Variants in WDPCP observed in about 807,000 individuals in gnomAD.
WDPCP encodes WD repeat containing planar cell polarity effector.
In WDPCP, 71 loss-of-function variants were observed where a neutral mutation model predicts 93.1. The ratio of observed to expected loss-of-function variants is 0.76; its 90% confidence interval spans 0.63 to 0.93. The LOEUF (loss-of-function observed/expected upper bound fraction) is 0.93, where lower values mean the gene tolerates loss of function less well. WDPCP is among the 40% of genes least tolerant of loss of function. WDPCP has a pLI of 0.00. For missense variants in WDPCP, 844 were observed against 887.4 expected, an observed-to-expected ratio of 0.95 and a Z score of 0.62; for synonymous variants, 315 against 315.0, an observed-to-expected ratio of 1.00 and a Z score of 0.00.
chr2:63,739,212 G>A (rs1669681155), intron 2 of WDPCP, among the ~76,000 whole-genome samples: 1 of 151,944 alleles, frequency 6.6e-6, no homozygotes, highest in African/African-American at 2.4e-5. Flanking sequence ...AGTGTCTGTT[G>A]TTTCCTTCTT....
chr2:63,167,805 T>C (rs528988646), intron 15 of WDPCP, among the ~76,000 whole-genome samples: 55 of 152,182 alleles, frequency 3.6e-4, no homozygotes, highest in Non-Finnish European at 6.0e-4. Flanking sequence ...GCCTACTTGA[T>C]CTATTCTGTA....
intron 2 of WDPCP, among the ~76,000 whole-genome samples, chr2:63,801,167 C>A (rs1365392800): frequency 6.6e-6 from 1 of 152,214 alleles, no homozygotes; most frequent in Non-Finnish European, 1.5e-5. Context: ...CAGGATCTCT[C>A]ATAACTTTGC....
At chr2:63,226,241 A>G (rs1235084750) in intron 14 of WDPCP, among the ~76,000 whole-genome samples, 2 of 151,870 alleles carry the variant, frequency 1.3e-5, no homozygotes, top group African/African-American at 4.8e-5. Context: ...AACTCTAACT[A>G]AATAGCTGTG....
In WDPCP at chr2:63,262,512, A is replaced by G. The variant is rs144366352; in HGVS notation, c.1813-3103T>C. ...TTATTCTAGTTAATTTTAAAACTATAGAACACTGATATACAACCATATAAG... is the reference window on the plus strand; with the variant it reads ...TTATTCTAGTTAATTTTAAAACTATGGAACACTGATATACAACCATATAAG... On this transcript the variant is annotated intron_variant, in intron 13 of 17. Coordinates refer to ENST00000272321, the MANE Select transcript of WDPCP (RefSeq NM_015910.7). 2.1e-3 allele frequency among the ~76,000 whole-genome samples: 319 copies of G among 149,724 alleles called. 2 individuals carry two copies. The Middle Eastern group carries it at 0.028, about 13-fold the overall frequency.
At chr2:63,725,401 A>G (rs1669483843) in intron 2 of WDPCP, among the ~76,000 whole-genome samples, 1 of 152,224 alleles carries the variant, frequency 6.6e-6, no homozygotes, top group African/African-American at 2.4e-5. Flanking sequence ...GCTGTATAGT[A>G]TTCCATGGTG....
intron 14 of WDPCP, among the ~76,000 whole-genome samples, chr2:63,255,986 C>T (rs181653009): frequency 3.3e-5 from 5 of 152,086 alleles, no homozygotes; most frequent in Admixed American, 1.3e-4. Flanking sequence ...ATGTGGAAGA[C>T]CACTACTATG....
chr2:63,452,634 A>G (rs914899143), intron 6 of WDPCP, among the ~76,000 whole-genome samples: 3 of 152,238 alleles, frequency 2.0e-5, no homozygotes, highest in Admixed American at 6.5e-5. Context: ...TGCATTGCCA[A>G]GTCAATCCTA....
At chr2:63,328,464 G>C (rs916711421) in intron 12 of WDPCP, among the ~76,000 whole-genome samples, 8 of 152,152 alleles carry the variant, frequency 5.3e-5, no homozygotes, top group Admixed American at 1.3e-4. Context: ...TCCACCGGGA[G>C]GAACAAACAA....
intron 14 of WDPCP, among the ~76,000 whole-genome samples, chr2:63,195,342 G>A (rs1388673353): frequency 1.3e-5 from 2 of 152,146 alleles, no homozygotes; most frequent in African/African-American, 2.4e-5. Context: ...GTGATCTTAA[G>A]CAGGTCACGT....
intron 1 of WDPCP, among the ~76,000 whole-genome samples, chr2:63,550,069 TCTC>T (rs990025300): frequency 2.2e-4 from 12 of 55,782 alleles, no homozygotes; most frequent in African/African-American, 1.0e-3. Context: ...TTTCTCTCTC[TCTC>T]CTTGTCTTCT....
chr2:63,130,822 C>A (rs1180512866), intron 17 of WDPCP, among the ~76,000 whole-genome samples: 4 of 151,942 alleles, frequency 2.6e-5, no homozygotes, highest in Non-Finnish European at 4.4e-5. Context: ...TACTGCATTG[C>A]TGTCTATTTC....
chr2:63,604,998 C>G, intron 3 of WDPCP: 1 of 885,404 alleles, frequency 1.1e-6, no homozygotes, highest in East Asian at 2.6e-5. Context: ...CTTTCGGGAT[C>G]ATAGTAAGCC....
chr2:63,673,414 G>C (rs1232652477), intron 2 of WDPCP, among the ~76,000 whole-genome samples: 2 of 152,152 alleles, frequency 1.3e-5, no homozygotes, highest in Non-Finnish European at 2.9e-5. Context: ...AGATTGGGTA[G>C]GAAGAGTCTC....
chr2:63,487,767 C>A (rs549738003), intron 2 of WDPCP, among the ~76,000 whole-genome samples: 95 of 152,006 alleles, frequency 6.2e-4, no homozygotes, highest in Non-Finnish European at 1.1e-3. Flanking sequence ...AATCAAGAAA[C>A]ACCAAGTTTT....
chr2:63,722,007 A>C (rs1441326847), intron 2 of WDPCP, among the ~76,000 whole-genome samples: 1 of 152,032 alleles, frequency 6.6e-6, no homozygotes, highest in Admixed American at 6.5e-5. Flanking sequence ...CCGGGATTGC[A>C]GACGGAGTCT....
chr2:63,746,041 C>T (rs2103868318), intron 2 of WDPCP, among the ~76,000 whole-genome samples: 1 of 152,210 alleles, frequency 6.6e-6, no homozygotes, highest in East Asian at 1.9e-4. Flanking sequence ...TGAGTTTCTT[C>T]TTTTGTGAAA....
intron 1 of WDPCP, among the ~76,000 whole-genome samples, chr2:63,575,782 T>C (rs540939820): frequency 1.1e-4 from 16 of 151,932 alleles, no homozygotes; most frequent in Admixed American, 6.6e-4. Flanking sequence ...TGCGTATGTA[T>C]ATAATAGACA....
At chr2:63,235,441 C>A (rs1167802469) in intron 14 of WDPCP, among the ~76,000 whole-genome samples, 2 of 152,170 alleles carry the variant, frequency 1.3e-5, no homozygotes, top group Admixed American at 1.3e-4. Flanking sequence ...TTGTACCAAT[C>A]CTACTGAAAC....
rs13416128 is a variant in WDPCP at position 63,515,845 on chromosome 2, C to A, written c.76-22905G>T. 8.9e-4 allele frequency among the ~76,000 whole-genome samples: 136 copies of A among 152,174 alleles called. 3 individuals carry two copies. The Middle Eastern group carries it at 0.01, about 11-fold the overall frequency. ...GACCAGCCTGGTCAACATGGTGAAACCTCATCTCTACTAAAAATACAAAAA... is the reference window on the plus strand; with the variant it reads ...GACCAGCCTGGTCAACATGGTGAAAACTCATCTCTACTAAAAATACAAAAA... On this transcript the variant is annotated intron_variant, in intron 1 of 17. Coordinates refer to ENST00000272321, the MANE Select transcript of WDPCP (RefSeq NM_015910.7).
Sources: allele counts gnomAD v4.1 joint callset (sites outside exome capture counted in the v4.1 genomes callset), GRCh38; gene constraint gnomAD v4.1.1; transcripts MANE v1.5; gene names NCBI Gene and HGNC (gene_info 2026-07-23, HGNC 2026-07-21).